The following C6orf163 variants were observed in gnomAD, a reference collection of about 807,000 sequenced individuals.
The protein encoded by C6orf163 is chromosome 6 open reading frame 163, also known as uncharacterized protein C6orf163.
In C6orf163, 22 loss-of-function variants were observed where a neutral mutation model predicts 28.4. The ratio of observed to expected loss-of-function variants is 0.78; its 90% CI spans 0.55 to 1.11. C6orf163 has a LOEUF of 1.11. Ranked by LOEUF, C6orf163 falls within the 50% of genes least tolerant of loss-of-function variation. The pLI is 0.00. For synonymous variants in C6orf163, 110 were observed against 123.6 expected (o/e 0.89, Z 0.73); for missense variants, 342 against 389.1 (o/e 0.88, Z 1.02).
intron 1 of C6orf163, chr6:87,348,403 T>TTCCAC: frequency 5.1e-6 from 5 of 989,948 alleles, no homozygotes; most frequent in Non-Finnish European, 6.0e-6. Context: ...TGTGAAGGCA[T>TTCCAC]TCCACTTCCC....
At chr6:87,364,437 C>G (rs948750209) in intron 4 of C6orf163, among the ~76,000 whole-genome samples, 1 of 152,054 alleles carries the variant, frequency 6.6e-6, no homozygotes, top group Non-Finnish European at 1.5e-5. Flanking sequence ...AACAAAAGCT[C>G]TTTGGCTTCC....
rs748639440 is a variant in C6orf163 at position 87,345,064 on chromosome 6, T to C, written c.-36T>C. On this transcript the variant is annotated 5_prime_UTR_variant, in exon 1 of 5. Coordinates refer to ENST00000388923, the MANE Select transcript of C6orf163 (RefSeq NM_001010868.3). The stretch of plus-strand genomic sequence containing the variant: ...ACTTTTTCTGATTCTAAGATTATTT[T>C]AACTGTAAGTAGGAGAAGACATCTG... 116 of 1,469,398 alleles carry C rather than the reference T, an allele frequency of 7.9e-5. No individual in the cohort carries two copies. The highest frequency in any genetic ancestry group is 1.0e-4 in the Non-Finnish European group (113 of 1,110,260). 91.0% of individuals were successfully genotyped at this position (1,469,398 alleles called of 1,614,324 possible). A position where few individuals can be genotyped will look rare whatever the true frequency, so the allele number is the denominator to read the frequency against.
chr6:87,345,007 G>A lies in C6orf163; in HGVS notation c.-93G>A. On this transcript the variant is annotated 5_prime_UTR_variant, in exon 1 of 5. Transcript: ENST00000388923. ...ATCCTAAAACCCTGAACCTCTTCCA[G>A]CTTTCTTAAACTTTCAGCTTTTCTT... 9.5e-7 allele frequency: 1 copy of A among 1,050,136 alleles called. No individual in the cohort carries two copies. 65.1% of individuals were successfully genotyped at this position (1,050,136 alleles called of 1,614,324 possible).
In C6orf163 at chr6:87,365,157, A is replaced by T; in HGVS notation, c.751A>T (p.Met251Leu). The change falls in exon 5 of 5, where the codon ATG becomes TTG. Residue 251 changes from methionine (M) to leucine (L), a missense_variant. Coordinates refer to ENST00000388923, the MANE Select transcript of C6orf163 (RefSeq NM_001010868.3). ...KTHQATLGNM[M>L]DKLANTQGEL... The stretch of plus-strand genomic sequence containing the variant: ...ACATCAGGCCACTCTTGGCAATATG[A>T]TGGATAAACTGGCTAACACCCAGGG... 1 of 1,551,966 alleles carries T rather than the reference A, an allele frequency of 6.4e-7. No individual in the cohort carries two copies. The highest frequency in any genetic ancestry group is 8.7e-7 in the Non-Finnish European group (1 of 1,147,040).
chr6:87,364,910 GT>G, intron 4 of C6orf163, 50 bp from the exon 5 acceptor site: 1 of 1,357,678 alleles, frequency 7.4e-7, no homozygotes, highest in Non-Finnish European at 1.0e-6. Flanking sequence ...AAATTATTTT[GT>G]TTTTAGTGGC....
chr6:87,351,744 A>C (rs552355268), intron 3 of C6orf163, among the ~76,000 whole-genome samples: 31 of 152,278 alleles, frequency 2.0e-4, no homozygotes, highest in Non-Finnish European at 2.6e-4. Context: ...GCCCTCTATC[A>C]CCTTGGTCAC....
chr6:87,361,118 CTACAAAAAA>C (rs1468544797), intron 4 of C6orf163, among the ~76,000 whole-genome samples: 1 of 151,988 alleles, frequency 6.6e-6, no homozygotes, highest in African/African-American at 2.4e-5. Flanking sequence ...AACCCTGTCT[CTACAAAAAA>C]TACAAAAATT....
chr6:87,358,335 C>T lies in C6orf163; in HGVS notation c.554+1832C>T, dbSNP rs1304115842. The T allele has an allele frequency of 2.6e-5, 4 of 151,386 alleles. No individual in the cohort carries two copies. In the South Asian group the frequency reaches 6.3e-4, roughly 24 times the overall value. The allele number at this position is 151,386 out of a possible 1,614,324, so 9.4% of individuals were successfully genotyped here. On this transcript the variant is annotated intron_variant, in intron 4 of 4. Transcript: ENST00000388923. Reference sequence around the variant, plus strand: ...AGTTAAAAAAAAAAAAGTCCAGGGGCGGTGGTTCACGCCTGTAATCCCAGC... The same window carrying T: ...AGTTAAAAAAAAAAAAGTCCAGGGGTGGTGGTTCACGCCTGTAATCCCAGC...
intron 4 of C6orf163, chr6:87,356,732 A>T (rs1777508279): frequency 2.2e-6 from 1 of 456,592 alleles, no homozygotes; most frequent in Admixed American, 3.7e-5. Context: ...AGCTTAAGGG[A>T]TTGAAAATTG....
intron 3 of C6orf163, among the ~76,000 whole-genome samples, chr6:87,355,405 A>G (rs1777483765): frequency 6.6e-6 from 1 of 152,246 alleles, no homozygotes; most frequent in African/African-American, 2.4e-5. Context: ...GACAAAAAAT[A>G]CAAAAATTAG....
intron 4 of C6orf163, chr6:87,358,175 T>C (rs1777534085): frequency 6.6e-6 from 1 of 152,172 alleles, no homozygotes; most frequent in Non-Finnish European, 1.5e-5. Flanking sequence ...TACTATAAAC[T>C]TTCATCAAGA....
intron 1 of C6orf163, chr6:87,347,746 C>T (rs942976057): frequency 1.0e-6 from 1 of 985,372 alleles, no homozygotes; most frequent in African/African-American, 1.7e-5. Context: ...TCCATGCTTA[C>T]CCTTTTAGTG....
intron 4 of C6orf163, among the ~76,000 whole-genome samples, chr6:87,362,146 C>T (rs1777589070): frequency 6.6e-6 from 1 of 152,180 alleles, no homozygotes; most frequent in African/African-American, 2.4e-5. Context: ...TCTAAGCCTC[C>T]ATTTCTCACC....
intron 3 of C6orf163, among the ~76,000 whole-genome samples, 199 bp downstream of exon 3, chr6:87,350,700 A>G (rs1344757906): frequency 6.6e-6 from 1 of 152,236 alleles, no homozygotes; most frequent in Non-Finnish European, 1.5e-5. Flanking sequence ...AGAACCCCAT[A>G]GCTTACTTCC....
chr6:87,345,316 T>A (rs552583766), intron 1 of C6orf163, 69 bp downstream of exon 1: 3 of 1,388,638 alleles, frequency 2.2e-6, no homozygotes, highest in African/African-American at 1.5e-5. Flanking sequence ...TTCTGTTACA[T>A]AGACTTTTAT....
At chr6:87,356,083 A>G (rs914273928) in intron 3 of C6orf163, 2 of 524,848 alleles carry the variant, frequency 3.8e-6, no homozygotes, top group African/African-American at 3.8e-5. Flanking sequence ...AATATTATCT[A>G]CGTAGATATT....
At chr6:87,353,505 C>T (rs182083320) in intron 3 of C6orf163, among the ~76,000 whole-genome samples, 1 of 151,346 alleles carries the variant, frequency 6.6e-6, no homozygotes, top group East Asian at 1.9e-4. Flanking sequence ...AACGGTCTTA[C>T]ACCACCCTAT....
chr6:87,355,383 A>G (rs1273615290), intron 3 of C6orf163, among the ~76,000 whole-genome samples: 1 of 152,144 alleles, frequency 6.6e-6, no homozygotes, highest in African/African-American at 2.4e-5. Flanking sequence ...CAACATGGTG[A>G]AACCCTATTT....
intron 1 of C6orf163, among the ~76,000 whole-genome samples, chr6:87,346,940 G>A (rs1777333693): frequency 6.6e-6 from 1 of 152,166 alleles, no homozygotes; most frequent in Admixed American, 6.5e-5. Context: ...TGTCAAAGCT[G>A]GAACACTGGC....
Sources: allele counts gnomAD v4.1 joint callset (sites outside exome capture counted in the v4.1 genomes callset), GRCh38; gene constraint gnomAD v4.1.1; transcripts MANE v1.5; gene names NCBI Gene and HGNC (gene_info 2026-07-23, HGNC 2026-07-21).